NKAIN3: variants seen among roughly 807,000 people sequenced by gnomAD.
The protein encoded by NKAIN3 is sodium/potassium-transporting ATPase subunit beta-1-interacting protein 3.
In NKAIN3, 25 loss-of-function variants were observed where a neutral mutation model predicts 30.2. The observed-to-expected ratio is 0.83, with a 90% CI of 0.60 to 1.16. The LOEUF (loss-of-function observed/expected upper bound fraction) is 1.16. Ranked by LOEUF, NKAIN3 falls within the 50% of genes most tolerant of loss-of-function variation. The pLI is 0.00. For synonymous variants in NKAIN3, 91 were observed against 89.6 expected (o/e 1.02, Z -0.09); for missense variants, 225 against 254.1 (o/e 0.89, Z 0.78).
intron 4 of NKAIN3, among the ~76,000 whole-genome samples, chr8:62,836,402 A>G (rs1453622019): frequency 2.0e-5 from 3 of 152,124 alleles, no homozygotes; most frequent in African/African-American, 7.2e-5. Context: ...ACATACTAAA[A>G]CATACCCTTT....
chr8:62,484,279 C>T (rs977704043), intron 1 of NKAIN3, among the ~76,000 whole-genome samples: 2 of 152,204 alleles, frequency 1.3e-5, no homozygotes, highest in African/African-American at 4.8e-5. Flanking sequence ...TTCCCTCTTT[C>T]CAGGATGTCT....
At chr8:62,691,019 G>A (rs1813949845) in intron 3 of NKAIN3, among the ~76,000 whole-genome samples, 1 of 152,078 alleles carries the variant, frequency 6.6e-6, no homozygotes, top group Admixed American at 6.6e-5. Flanking sequence ...TTCGTATCAG[G>A]GCTATAATCC....
rs549417257 is a variant in NKAIN3 at position 62,967,759 on chromosome 8, C to T, written c.*2352C>T. 6.6e-6 allele frequency among the ~76,000 whole-genome samples: 1 copy of T among 152,190 alleles called. No individual in the cohort carries two copies. Among genetic ancestry groups the T allele is most frequent in the South Asian group, 2.1e-4 (1 of 4,824 alleles). ...TAAAAAAGGATAAAATGAGTATTGACATATTTTAAACTGTCACTTAATTAC... is the reference window on the plus strand; with the variant it reads ...TAAAAAAGGATAAAATGAGTATTGATATATTTTAAACTGTCACTTAATTAC... On this transcript the variant is annotated 3_prime_UTR_variant, in exon 7 of 7. Transcript: ENST00000623646.
chr8:62,962,129 T>TCCC (rs1015488729), intron 6 of NKAIN3, among the ~76,000 whole-genome samples: 2 of 151,992 alleles, frequency 1.3e-5, no homozygotes, highest in African/African-American at 4.8e-5. Context: ...TAATCTATTA[T>TCCC]CCCCCAAGAA....
At chr8:62,855,107 G>A (rs1293061669) in intron 4 of NKAIN3, 1 of 173,260 alleles carries the variant, frequency 5.8e-6, no homozygotes, top group African/African-American at 2.4e-5. Context: ...GGGCTCTTTA[G>A]GCAATAAAGT....
intron 4 of NKAIN3, among the ~76,000 whole-genome samples, chr8:62,861,070 C>A (rs1209273525): frequency 6.6e-6 from 1 of 152,174 alleles, no homozygotes; most frequent in Non-Finnish European, 1.5e-5. Flanking sequence ...AATTCCCAGT[C>A]CTCTTCTGGG....
intron 1 of NKAIN3, among the ~76,000 whole-genome samples, chr8:62,342,308 T>C (rs1366637966): frequency 6.6e-6 from 1 of 151,528 alleles, no homozygotes; most frequent in Non-Finnish European, 1.5e-5. Flanking sequence ...TTTTGTTTGG[T>C]TGCTTTGGAA....
chr8:62,668,504 G>T (rs182906498), intron 3 of NKAIN3, among the ~76,000 whole-genome samples: 4 of 152,262 alleles, frequency 2.6e-5, no homozygotes, highest in African/African-American at 9.6e-5. Flanking sequence ...CTCACTTTCT[G>T]CCCAGAGTTC....
chr8:62,471,262 T>C (rs953409640), intron 1 of NKAIN3, among the ~76,000 whole-genome samples: 2 of 152,022 alleles, frequency 1.3e-5, no homozygotes, highest in African/African-American at 4.8e-5. Flanking sequence ...GGTTAAAGGA[T>C]GAGAGTAGCA....
At chr8:62,275,765 A>G (rs964502657) in intron 1 of NKAIN3, among the ~76,000 whole-genome samples, 2 of 152,222 alleles carry the variant, frequency 1.3e-5, no homozygotes, top group African/African-American at 4.8e-5. Flanking sequence ...TTATTTGCAT[A>G]TTACCATAAT....
In NKAIN3 at chr8:62,972,869, C is replaced by T. The variant is rs1374491563; in HGVS notation, c.*7462C>T. Reference sequence around the variant, plus strand: ...GGCCCTGGTGTGTGATGTTCCCCTCCCTGTGCCCATATGTTCTCATTGTTC... The same window carrying T: ...GGCCCTGGTGTGTGATGTTCCCCTCTCTGTGCCCATATGTTCTCATTGTTC... On this transcript the variant is annotated 3_prime_UTR_variant, in exon 7 of 7. Transcript: ENST00000623646. 2.0e-5 allele frequency among the ~76,000 whole-genome samples: 3 copies of T among 151,220 alleles called. No individual in the cohort carries two copies. The East Asian group carries it at 5.8e-4, about 29-fold the overall frequency.
At chr8:62,461,491 G>A (rs978238794) in intron 1 of NKAIN3, among the ~76,000 whole-genome samples, 1 of 152,180 alleles carries the variant, frequency 6.6e-6, no homozygotes, top group Non-Finnish European at 1.5e-5. Flanking sequence ...TATTTCTAGA[G>A]AATCCTAGAT....
intron 3 of NKAIN3, among the ~76,000 whole-genome samples, chr8:62,676,562 C>A (rs1813482219): frequency 6.6e-6 from 1 of 152,074 alleles, no homozygotes; most frequent in South Asian, 2.1e-4. Flanking sequence ...GAGCAAGACT[C>A]CGTCTTAAAA....
At chr8:62,955,718 G>T (rs1008388670) in intron 6 of NKAIN3, among the ~76,000 whole-genome samples, 1 of 152,162 alleles carries the variant, frequency 6.6e-6, no homozygotes, top group African/African-American at 2.4e-5. Context: ...GTGTTCTGTG[G>T]CATGGCCCAG....
intron 1 of NKAIN3, among the ~76,000 whole-genome samples, chr8:62,380,688 G>A (rs968589455): frequency 6.6e-5 from 10 of 152,298 alleles, no homozygotes; most frequent in South Asian, 4.1e-4. Context: ...GTCAACCTTC[G>A]AGTTTGCAAA....
chr8:62,694,723 T>C (rs1814097495), intron 3 of NKAIN3, among the ~76,000 whole-genome samples: 1 of 152,164 alleles, frequency 6.6e-6, no homozygotes, highest in African/African-American at 2.4e-5. Flanking sequence ...TCCTGACCCA[T>C]CCAGCAAATG....
intron 2 of NKAIN3, among the ~76,000 whole-genome samples, chr8:62,583,966 T>C (rs893532724): frequency 6.6e-6 from 1 of 152,118 alleles, no homozygotes; most frequent in Non-Finnish European, 1.5e-5. Flanking sequence ...CATTCTTGAG[T>C]TGTTGTCACA....
In NKAIN3 at chr8:62,646,831, G is replaced by A. The variant is rs73683361; in HGVS notation, c.273+57037G>A. ...CCAAAAATATTTTAAAGGTACAGTAGAACAGGCCAATCACAAAATAAAAAC... is the reference window on the plus strand; with the variant it reads ...CCAAAAATATTTTAAAGGTACAGTAAAACAGGCCAATCACAAAATAAAAAC... On this transcript the variant is annotated intron_variant, in intron 3 of 6. Transcript: ENST00000623646. Among the ~76,000 whole-genome samples the A allele has an allele frequency of 6.8e-3, 1,032 of 152,146 alleles. 5 individuals are homozygous for A. The highest frequency in any genetic ancestry group is 0.023 in the African/African-American group (969 of 41,534).
At chr8:62,737,113 G>A (rs750907654) in intron 3 of NKAIN3, among the ~76,000 whole-genome samples, 16 of 152,148 alleles carry the variant, frequency 1.1e-4, no homozygotes, top group Admixed American at 2.0e-4. Flanking sequence ...TTGGCTTTTT[G>A]TTGTGTTCCT....
Sources: allele counts gnomAD v4.1 joint callset (sites outside exome capture counted in the v4.1 genomes callset), GRCh38; gene constraint gnomAD v4.1.1; transcripts MANE v1.5; gene names NCBI Gene and HGNC (gene_info 2026-07-23, HGNC 2026-07-21).